The following GABRG3 variants were observed in gnomAD, a reference collection of about 807,000 sequenced individuals.
GABRG3 encodes the protein gamma-aminobutyric acid receptor subunit gamma-3.
GABRG3 carries 25 observed loss-of-function variants against 48.8 expected under a neutral mutation model. The ratio of observed to expected loss-of-function variants is 0.51; its 90% confidence interval spans 0.37 to 0.72. GABRG3 has a LOEUF of 0.72. Among genes scored for constraint, GABRG3 ranks in the 30% least tolerant of loss-of-function variants. GABRG3 has a pLI of 0.00. For missense variants in GABRG3, 394 were observed against 577.9 expected, an observed-to-expected ratio of 0.68 and a Z score of 3.26; for synonymous variants, 227 against 217.6, an observed-to-expected ratio of 1.04 and a Z score of -0.38.
intron 5 of GABRG3, among the ~76,000 whole-genome samples, chr15:27,392,288 G>T (rs2140577571): frequency 6.6e-6 from 1 of 152,124 alleles, no homozygotes; most frequent in East Asian, 1.9e-4. Context: ...ATTGCATTTA[G>T]CTGTCATGTT....
chr15:27,279,776 A>G (rs1234439154), intron 3 of GABRG3, among the ~76,000 whole-genome samples: 1 of 152,170 alleles, frequency 6.6e-6, no homozygotes, highest in Admixed American at 6.5e-5. Flanking sequence ...ATAAATTTAG[A>G]ATACATTTTT....
intron 3 of GABRG3, among the ~76,000 whole-genome samples, chr15:27,321,440 G>A (rs535987439): frequency 5.3e-5 from 8 of 152,230 alleles, no homozygotes; most frequent in African/African-American, 1.9e-4. Flanking sequence ...CAGGACAACT[G>A]AATAAATAAC....
chr15:26,981,762 C>T (rs1313749840), intron 2 of GABRG3, among the ~76,000 whole-genome samples: 1 of 152,146 alleles, frequency 6.6e-6, no homozygotes, highest in Non-Finnish European at 1.5e-5. Context: ...TGCTTCTTCT[C>T]CTTCAGGAGG....
chr15:27,321,169 G>T (rs936472280), intron 3 of GABRG3, among the ~76,000 whole-genome samples: 1 of 152,234 alleles, frequency 6.6e-6, no homozygotes, highest in Non-Finnish European at 1.5e-5. Flanking sequence ...GGGCCTCCTT[G>T]TCTGCAGGTG....
At chr15:27,410,906 C>T (rs1434878491) in intron 5 of GABRG3, among the ~76,000 whole-genome samples, 1 of 149,082 alleles carries the variant, frequency 6.7e-6, no homozygotes, top group Non-Finnish European at 1.5e-5. Flanking sequence ...GCTTTCAGTG[C>T]TTTGGCAGAT....
chr15:27,078,528 C>G (rs1796930837), intron 3 of GABRG3, among the ~76,000 whole-genome samples: 1 of 152,108 alleles, frequency 6.6e-6, no homozygotes, highest in Non-Finnish European at 1.5e-5. Context: ...CTGTAGATGT[C>G]AGATGAAACT....
At chr15:27,379,566 G>A (rs552839855) in intron 5 of GABRG3, among the ~76,000 whole-genome samples, 3 of 152,136 alleles carry the variant, frequency 2.0e-5, no homozygotes, top group East Asian at 1.9e-4. Flanking sequence ...ATCATTTTCC[G>A]TCTTTCTGAA....
At chr15:27,080,775 C>G (rs948182013) in intron 3 of GABRG3, among the ~76,000 whole-genome samples, 2 of 152,218 alleles carry the variant, frequency 1.3e-5, no homozygotes, top group African/African-American at 4.8e-5. Context: ...TCCAATCTCT[C>G]CCATCCAGAG....
intron 3 of GABRG3, chr15:27,271,762 G>A (rs1336693613): frequency 2.6e-6 from 1 of 390,168 alleles, no homozygotes; most frequent in Admixed American, 2.9e-5. Context: ...AGAGAGGAGA[G>A]CGGTCAGGGA....
At chr15:27,168,162 A>C (rs1166204650) in intron 3 of GABRG3, among the ~76,000 whole-genome samples, 1 of 151,858 alleles carries the variant, frequency 6.6e-6, no homozygotes, top group Non-Finnish European at 1.5e-5. Flanking sequence ...GAAAACAGAC[A>C]TCTCCCAATA....
At chr15:27,423,063 G>T (rs73367310) in intron 5 of GABRG3, among the ~76,000 whole-genome samples, 6,329 of 151,552 alleles carry the variant, frequency 0.042, 344 homozygotes, top group East Asian at 0.21. Flanking sequence ...TTTATAAAGG[G>T]CTGGCCACAG....
chr15:27,265,882 G>GTTTTTTTTTTTTTTT lies in GABRG3; in HGVS notation c.271-60926_271-60912dup, dbSNP rs57522857. Among the ~76,000 whole-genome samples, 58 of 127,552 alleles carry GTTTTTTTTTTTTTTT rather than the reference G, an allele frequency of 4.5e-4. 3 individuals carry two copies. The highest frequency in any genetic ancestry group is 1.7e-3 in the African/African-American group (50 of 29,418). 83.7% of individuals were successfully genotyped at this position (127,552 alleles called of 152,430 possible). Reference sequence around the variant, plus strand: ...GCAAGGTCAAGAAGATTTTCTCCTGGTTTTTTTTTTTTTTTGAGAGTGACC... The same window carrying GTTTTTTTTTTTTTTT: ...GCAAGGTCAAGAAGATTTTCTCCTGGTTTTTTTTTTTTTTTTTTTTTTTTTTTTTTGAGAGTGACC... On this transcript the variant is annotated intron_variant, in intron 3 of 9. Transcript: ENST00000615808.
intron 2 of GABRG3, among the ~76,000 whole-genome samples, chr15:27,003,703 T>C (rs1485094715): frequency 1.3e-5 from 2 of 152,252 alleles, no homozygotes; most frequent in East Asian, 3.9e-4. Flanking sequence ...AAAACCGCCA[T>C]TGTCATCATG....
chr15:27,050,990 G>A (rs934391519), intron 3 of GABRG3, among the ~76,000 whole-genome samples: 5 of 152,122 alleles, frequency 3.3e-5, no homozygotes, highest in African/African-American at 9.7e-5. Context: ...TCCAAATATG[G>A]TCAAATTTAT....
chr15:27,090,423 A>G (rs1046237826), intron 3 of GABRG3, among the ~76,000 whole-genome samples: 3 of 152,226 alleles, frequency 2.0e-5, no homozygotes, highest in Non-Finnish European at 4.4e-5. Flanking sequence ...ATTGTGGGTC[A>G]TATGGGAATT....
At chr15:27,064,267 C>T (rs1328926150) in intron 3 of GABRG3, among the ~76,000 whole-genome samples, 2 of 152,184 alleles carry the variant, frequency 1.3e-5, no homozygotes, top group Non-Finnish European at 2.9e-5. Flanking sequence ...GGCCACACGT[C>T]ACTCTGGTTA....
rs1435175365 is a variant in GABRG3 at position 27,225,630 on chromosome 15, A to G, written c.271-101179A>G. Among the ~76,000 whole-genome samples, 2 of 152,094 alleles carry G rather than the reference A, an allele frequency of 1.3e-5. 1 individual carries two copies. The highest frequency in any genetic ancestry group is 4.8e-5 in the African/African-American group (2 of 41,370). The stretch of plus-strand genomic sequence containing the variant: ...AGAGGGATGAAGAGGCAAGCATGGA[A>G]TCCTGCTTCCCTACCCACCACCAGG... On this transcript the variant is annotated intron_variant, in intron 3 of 9. Coordinates refer to ENST00000615808, the MANE Select transcript of GABRG3 (RefSeq NM_033223.5).
At chr15:27,142,777 T>C (rs539187709) in intron 3 of GABRG3, among the ~76,000 whole-genome samples, 1 of 139,458 alleles carries the variant, frequency 7.2e-6, no homozygotes, top group African/African-American at 2.5e-5. Flanking sequence ...GTTTGTTTGC[T>C]TGGTTTTTTT....
intron 3 of GABRG3, among the ~76,000 whole-genome samples, chr15:27,054,715 G>A (rs1448524207): frequency 2.0e-5 from 3 of 152,206 alleles, no homozygotes; most frequent in African/African-American, 4.8e-5. Flanking sequence ...TTCAAAAGCA[G>A]CTATTACTCT....
Sources: gnomAD v4.1 joint callset for allele counts (sites outside exome capture counted in the v4.1 genomes callset) on GRCh38, gnomAD v4.1.1 for gene constraint, MANE v1.5 for transcripts, NCBI Gene and HGNC (gene_info 2026-07-23, HGNC 2026-07-21) for gene names.